SRGAP2C: variants seen among roughly 807,000 people sequenced by gnomAD.
SRGAP2C encodes the protein SLIT-ROBO Rho GTPase activating protein 2C, also known as SLIT-ROBO Rho GTPase-activating protein 2C.
Under a neutral mutation model 25.1 loss-of-function variants are expected in SRGAP2C, and 15 were observed. The ratio of observed to expected loss-of-function variants is 0.60; its 90% CI spans 0.40 to 0.92. The LOEUF is 0.92. Ranked by LOEUF, SRGAP2C falls within the 40% of genes least tolerant of loss-of-function variation. SRGAP2C has a pLI of 0.00. For synonymous variants in SRGAP2C, 44 were observed against 96.6 expected (o/e 0.46, Z 3.19); for missense variants, 144 against 264.4 (o/e 0.54, Z 3.16).
intron 3 of SRGAP2C, among the ~76,000 whole-genome samples, chr1:121,322,995 G>C (rs1218877283): frequency 1.6e-4 from 24 of 151,708 alleles, no homozygotes; most frequent in African/African-American, 5.6e-4. Flanking sequence ...GCAGTTATAG[G>C]CTTGGTTTGA....
At chr1:121,340,429 A>G (rs1473466570) in intron 4 of SRGAP2C, among the ~76,000 whole-genome samples, 1 of 150,788 alleles carries the variant, frequency 6.6e-6, no homozygotes, top group African/African-American at 2.4e-5. Flanking sequence ...ACCACTACCA[A>G]CCCATTCAGT....
intron 2 of SRGAP2C, among the ~76,000 whole-genome samples, chr1:121,272,272 G>A (rs1656984442): frequency 6.7e-6 from 1 of 149,494 alleles, no homozygotes; most frequent in East Asian, 2.0e-4. Context: ...CTGTGAGGTA[G>A]ATACTGTTAT....
chr1:121,270,225 C>T lies in SRGAP2C; in HGVS notation c.68-14578C>T, dbSNP rs1656908511. ...CACTTGAGTGATGACTCAGCTTCTC[C>T]TAATATTCTTGGATCACAGTTGCTC... On this transcript the variant is annotated intron_variant, in intron 2 of 9. Transcript: ENST00000367123. Among the ~76,000 whole-genome samples the T allele has an allele frequency of 4.6e-5, 7 of 151,228 alleles. No individual in the cohort carries two copies. In the South Asian group the frequency reaches 1.3e-3, roughly 27 times the overall value.
At chr1:121,199,068 C>T (rs1322013809) in intron 2 of SRGAP2C, among the ~76,000 whole-genome samples, 1 of 151,966 alleles carries the variant, frequency 6.6e-6, no homozygotes, top group African/African-American at 2.4e-5. Context: ...CTTCTTATGT[C>T]TCAGCTCTGT....
intron 2 of SRGAP2C, among the ~76,000 whole-genome samples, chr1:121,281,350 C>G (rs1194816671): frequency 1.1e-4 from 16 of 151,658 alleles, no homozygotes; most frequent in African/African-American, 3.6e-4. Flanking sequence ...CTTCTTCATT[C>G]TCTTTCTTCT....
intron 4 of SRGAP2C, among the ~76,000 whole-genome samples, chr1:121,359,498 A>G (rs2101643355): frequency 6.6e-6 from 1 of 152,274 alleles, no homozygotes; most frequent in Middle Eastern, 3.4e-3. Flanking sequence ...TTTAAAAATT[A>G]GCCAAGCATA....
intron 2 of SRGAP2C, among the ~76,000 whole-genome samples, chr1:121,217,877 C>T (rs1655432175): frequency 6.6e-6 from 1 of 151,702 alleles, no homozygotes; most frequent in African/African-American, 2.4e-5. Context: ...GGTACTTGTA[C>T]CTTTTCTCAA....
intron 3 of SRGAP2C, among the ~76,000 whole-genome samples, chr1:121,299,500 T>G (rs1290473115): frequency 2.5e-5 from 2 of 81,350 alleles, no homozygotes; most frequent in Non-Finnish European, 4.8e-5. Flanking sequence ...ATGAGCACAG[T>G]TCTGCGTCTT....
rs1196676916 is a variant in SRGAP2C, at chr1:121,377,161, A to G, written c.831+2207A>G. On this transcript the variant is annotated intron_variant, in intron 7 of 9. Transcript: ENST00000367123. ...GCCTAATTTCACAGGATGTGGTGTG[A>G]CATGCCATTGAAAAAGAGGCTGCCT... Among the ~76,000 whole-genome samples, 4 of 139,316 alleles carry G rather than the reference A, an allele frequency of 2.9e-5. No individual in the cohort carries two copies. In the East Asian group the frequency reaches 6.4e-4, roughly 22 times the overall value. The allele number at this position is 139,316 out of a possible 152,430, so 91.4% of individuals were successfully genotyped here. A position where few individuals can be genotyped will look rare whatever the true frequency, so the allele number is the denominator to read the frequency against.
chr1:121,216,461 C>G (rs1272783089), intron 2 of SRGAP2C, among the ~76,000 whole-genome samples: 14 of 150,950 alleles, frequency 9.3e-5, no homozygotes, highest in Non-Finnish European at 1.9e-4. Context: ...TGGCAAGGAA[C>G]AAAAAAAGAC....
rs1385351777 is a variant in SRGAP2C at position 121,282,874 on chromosome 1, C to T, written c.68-1929C>T. Among the ~76,000 whole-genome samples the T allele has an allele frequency of 4.8e-3, 729 of 150,954 alleles. 4 individuals carry two copies. Among genetic ancestry groups the T allele is most frequent in the African/African-American group, 0.016 (673 of 41,164 alleles). ...CACCTGGCACTTGGTTCTTACTGAACGGATGGAATTTAAGTAATATTAGTA... is the reference window on the plus strand; with the variant it reads ...CACCTGGCACTTGGTTCTTACTGAATGGATGGAATTTAAGTAATATTAGTA... On this transcript the variant is annotated intron_variant, in intron 2 of 9. Coordinates refer to ENST00000367123, the MANE Select transcript of SRGAP2C (RefSeq NM_001329984.2).
At chr1:121,272,382 C>T (rs1156579799) in intron 2 of SRGAP2C, among the ~76,000 whole-genome samples, 2 of 151,602 alleles carry the variant, frequency 1.3e-5, no homozygotes, top group Admixed American at 6.6e-5. Flanking sequence ...GCATTTTGAG[C>T]CCAGGCAGTC....
At chr1:121,264,833 C>T (rs1158898581) in intron 2 of SRGAP2C, among the ~76,000 whole-genome samples, 1 of 108,794 alleles carries the variant, frequency 9.2e-6, no homozygotes, top group Non-Finnish European at 1.9e-5. Flanking sequence ...GCCCAAGAAG[C>T]TGGTTTAAAT....
At position 121,280,135 on chromosome 1, in the gene SRGAP2C, C is replaced by A. The variant is rs1657207901; in HGVS notation, c.68-4668C>A. Among the ~76,000 whole-genome samples, 4 of 146,680 alleles carry A rather than the reference C, an allele frequency of 2.7e-5. No individual in the cohort carries two copies. The South Asian group carries it at 8.8e-4, about 32-fold the overall frequency. On this transcript the variant is annotated intron_variant, in intron 2 of 9. Coordinates refer to ENST00000367123, the MANE Select transcript of SRGAP2C (RefSeq NM_001329984.2). ...AATCATCACTATCTTAATTTCAAAA[C>A]AGGGAGGTTTAAATTTGTCTTGAAT...
At chr1:121,298,589 A>G (rs1471254127) in intron 3 of SRGAP2C, among the ~76,000 whole-genome samples, 10 of 40,354 alleles carry the variant, frequency 2.5e-4, no homozygotes, top group Admixed American at 5.6e-4. Flanking sequence ...AGGGAATGAT[A>G]AGAGGGCAGG....
intron 2 of SRGAP2C, among the ~76,000 whole-genome samples, chr1:121,272,177 AAG>A (rs1491521998): frequency 6.9e-5 from 5 of 72,428 alleles, no homozygotes; most frequent in Non-Finnish European, 1.1e-4. Context: ...AAAAAAAAAA[AAG>A]AAGAAGAAAT....
At chr1:121,197,023 T>C (rs1156473192) in intron 2 of SRGAP2C, among the ~76,000 whole-genome samples, 1 of 150,028 alleles carries the variant, frequency 6.7e-6, no homozygotes, top group African/African-American at 2.5e-5. Flanking sequence ...TTACATTTTA[T>C]ACTGCCTTAC....
chr1:121,324,447 A>C, intron 3 of SRGAP2C, 31 bp from the exon 4 acceptor site: 2 of 1,608,614 alleles, frequency 1.2e-6, no homozygotes, highest in South Asian at 2.2e-5. Flanking sequence ...TGTATCAACA[A>C]TGACTTCTTT....
At chr1:121,234,785 G>A (rs1214577729) in intron 2 of SRGAP2C, among the ~76,000 whole-genome samples, 1 of 148,244 alleles carries the variant, frequency 6.7e-6, no homozygotes, top group Non-Finnish European at 1.5e-5. Flanking sequence ...TTCTTTGCTA[G>A]CCTTTGTGAA....
Sources: gnomAD v4.1 joint callset for allele counts (sites outside exome capture counted in the v4.1 genomes callset) on GRCh38, gnomAD v4.1.1 for gene constraint, MANE v1.5 for transcripts, NCBI Gene and HGNC (gene_info 2026-07-23, HGNC 2026-07-21) for gene names.